The following GALC variants were observed in gnomAD, a reference collection of about 807,000 sequenced individuals.
GALC encodes galactosylceramidase.
GALC carries 77 observed loss-of-function variants against 91.8 expected under a neutral mutation model. The observed-to-expected ratio is 0.84, with a 90% CI of 0.70 to 1.01. The LOEUF (loss-of-function observed/expected upper bound fraction) is 1.01, where lower values mean the gene tolerates loss of function less well. Among genes scored for constraint, GALC ranks in the 50% least tolerant of loss-of-function variants. GALC has a pLI of 0.00. For missense variants in GALC, 882 were observed against 855.9 expected, an observed-to-expected ratio of 1.03 and a Z score of -0.38; for synonymous variants, 357 against 306.7, an observed-to-expected ratio of 1.16 and a Z score of -1.71.
chr14:87,968,252 G>T, intron 8 of GALC, 83 bp downstream of exon 8: 2 of 1,161,780 alleles, frequency 1.7e-6, no homozygotes, highest in Non-Finnish European at 2.5e-6. Flanking sequence ...TAGGCTGGAA[G>T]AATAAGGAAT....
intron 3 of GALC, chr14:87,986,994 G>T (rs1887002482): frequency 2.2e-6 from 1 of 448,856 alleles, no homozygotes. Context: ...TTCAACGCTG[G>T]ATATGAATCC....
Position 87,989,818 on chromosome 14 carries a change from C to T in GALC, c.196-1295G>A, listed in dbSNP as rs115456150. Among the ~76,000 whole-genome samples, 129 of 152,256 alleles carry T rather than the reference C, an allele frequency of 8.5e-4. 1 individual carries two copies. The highest frequency in any genetic ancestry group is 2.9e-3 in the African/African-American group (120 of 41,548). Reference sequence around the variant, plus strand: ...CTCTTCCATGTAAACATGCTAAGACCGTCCCTTTCCCAAAAGCTTTCAGGA... The same window carrying T: ...CTCTTCCATGTAAACATGCTAAGACTGTCCCTTTCCCAAAAGCTTTCAGGA... On this transcript the variant is annotated intron_variant, in intron 1 of 16. Transcript: ENST00000261304.
chr14:87,962,738 T>G (rs1027547871), intron 10 of GALC, among the ~76,000 whole-genome samples: 1 of 152,088 alleles, frequency 6.6e-6, no homozygotes, highest in Non-Finnish European at 1.5e-5. Flanking sequence ...CTTCCTATTC[T>G]GTCTACCTCC....
At position 87,936,912 on chromosome 14, in the gene GALC, ATTTATT is replaced by A. The variant is rs201851762; in HGVS notation, c.1912-2040_1912-2035del. On this transcript the variant is annotated intron_variant, in intron 16 of 16. Coordinates refer to ENST00000261304, the MANE Select transcript of GALC (RefSeq NM_000153.4). Reference sequence around the variant, plus strand: ...TATCAGGTACTATATATATATATATATTTATTTATTTTCTCATTGAATCTTCATAAG... The same window carrying A: ...TATCAGGTACTATATATATATATATATATTTTCTCATTGAATCTTCATAAG... 1.8e-3 allele frequency among the ~76,000 whole-genome samples: 248 copies of A among 139,864 alleles called. 28 individuals carry two copies. The East Asian group carries it at 0.025, about 14-fold the overall frequency. The allele number at this position is 139,864 out of a possible 152,430, so 91.8% of individuals were successfully genotyped here. A position where few individuals can be genotyped will look rare whatever the true frequency, so the allele number is the denominator to read the frequency against.
At chr14:87,974,226 C>T (rs532913949) in intron 7 of GALC, among the ~76,000 whole-genome samples, 4 of 151,452 alleles carry the variant, frequency 2.6e-5, no homozygotes, top group East Asian at 1.9e-4. Context: ...TAAAAGAAAA[C>T]GGCCTTGAAA....
chr14:87,954,944 C>A (rs1025577385), intron 10 of GALC: 13 of 1,499,776 alleles, frequency 8.7e-6, no homozygotes, highest in African/African-American at 1.4e-5. Context: ...CGTGTAGACT[C>A]AAAGCTGATA....
At position 87,934,532 on chromosome 14, in the gene GALC, A is replaced by G. The variant is rs1595183277; in HGVS notation, c.*200T>C. The G allele has an allele frequency of 1.4e-5, 20 of 1,445,488 alleles. No individual in the cohort carries two copies. In the East Asian group the frequency reaches 5.1e-4, roughly 37 times the overall value. 89.5% of individuals were successfully genotyped at this position (1,445,488 alleles called of 1,614,324 possible). Reference sequence around the variant, plus strand: ...ACACACCAGGTAATGTTAAAGATTCACCAGTTTTCCCCTTGGAATTAATTC... The same window carrying G: ...ACACACCAGGTAATGTTAAAGATTCGCCAGTTTTCCCCTTGGAATTAATTC... On this transcript the variant is annotated 3_prime_UTR_variant, in exon 17 of 17. Transcript: ENST00000261304.
At chr14:87,990,309 A>T (rs1189098639) in intron 1 of GALC, among the ~76,000 whole-genome samples, 1 of 152,228 alleles carries the variant, frequency 6.6e-6, no homozygotes, top group African/African-American at 2.4e-5. Context: ...CTTTGAGTCA[A>T]ATGGAGTTTG....
chr14:87,979,248 A>C (rs1886640906), intron 6 of GALC, among the ~76,000 whole-genome samples: 1 of 151,976 alleles, frequency 6.6e-6, no homozygotes. Context: ...GCTGGTCTCA[A>C]ACTCCTGACC....
At position 87,947,821 on chromosome 14, in the gene GALC, G is replaced by T. The variant is rs534171316; in HGVS notation, c.1396C>A (p.Leu466Ile). 5 of 1,612,790 alleles carry T rather than the reference G, an allele frequency of 3.1e-6. No homozygotes were observed. In the African/African-American group the frequency reaches 6.7e-5, roughly 22 times the overall value. Residue 466 changes from leucine to isoleucine, a missense_variant, in exon 13 of 17, where the codon CTC (leucine) becomes ATC (isoleucine). Coordinates refer to ENST00000261304, the MANE Select transcript of GALC (RefSeq NM_000153.4). The part of the protein sequence containing the change: ...LSLHEDELFT[L>I]TTLTTGRKGS... ...TTGCGACCAGTGGTGAGAGTGGTGAGTGTGAACAGCTCATCTTCATGCAGG... is the reference window on the plus strand; with the variant it reads ...TTGCGACCAGTGGTGAGAGTGGTGATTGTGAACAGCTCATCTTCATGCAGG...
intron 6 of GALC, chr14:87,976,711 C>A (rs1245624122): frequency 2.3e-5 from 10 of 442,294 alleles, no homozygotes; most frequent in Non-Finnish European, 3.8e-5. Flanking sequence ...GCCTCCAGGG[C>A]TCAAATGATT....
At chr14:87,938,944 A>AGAC (rs1311506008) in intron 16 of GALC, among the ~76,000 whole-genome samples, 35 of 152,056 alleles carry the variant, frequency 2.3e-4, no homozygotes, top group African/African-American at 8.4e-4. Flanking sequence ...TGCCAGAAAA[A>AGAC]GACAACATGA....
Position 87,988,448 on chromosome 14 carries a change from T to G in GALC, c.264+7A>C. 6.4e-7 allele frequency: 1 copy of G among 1,559,228 alleles called. No homozygotes were observed. Among genetic ancestry groups the G allele is most frequent in the Non-Finnish European group, 8.8e-7 (1 of 1,130,266 alleles). On this transcript the variant is annotated splice_region_variant and intron_variant, in intron 2 of 16. Transcript: ENST00000261304. ...CAGGTACCATGAAATAATTATGTTT[T>G]CATTACCTTAAAGAGATAATCCAAT...
chr14:87,980,580 G>A (rs1886697387), intron 6 of GALC: 1 of 757,414 alleles, frequency 1.3e-6, no homozygotes, highest in African/African-American at 1.9e-5. Flanking sequence ...ATCCGTTCTT[G>A]AAGATTCAAA....
intron 6 of GALC, among the ~76,000 whole-genome samples, chr14:87,978,115 T>C (rs112386628): frequency 0.11 from 17,210 of 152,274 alleles, 1,146 homozygotes; most frequent in Non-Finnish European, 0.16. Context: ...TGTAATGGCA[T>C]GATATCGGCT....
At chr14:87,963,793 T>TC (rs542206859) in intron 9 of GALC, among the ~76,000 whole-genome samples, 18 of 150,986 alleles carry the variant, frequency 1.2e-4, no homozygotes, top group South Asian at 1.1e-3. Flanking sequence ...AAATAGTTAT[T>TC]CCCCCCCCAA....
intron 16 of GALC, among the ~76,000 whole-genome samples, chr14:87,937,637 T>G (rs1295633763): frequency 6.6e-6 from 1 of 151,760 alleles, no homozygotes; most frequent in Non-Finnish European, 1.5e-5. Context: ...AGAGTGGCTG[T>G]ATCAGAAGTA....
intron 14 of GALC, among the ~76,000 whole-genome samples, chr14:87,943,371 T>A (rs1884935263): frequency 6.6e-6 from 1 of 152,020 alleles, no homozygotes; most frequent in Admixed American, 6.6e-5. Context: ...AATGACTAAA[T>A]CTAGGTATAA....
At chr14:87,936,443 T>C (rs1370304695) in intron 16 of GALC, among the ~76,000 whole-genome samples, 10 of 152,022 alleles carry the variant, frequency 6.6e-5, no homozygotes, top group South Asian at 6.2e-4. Flanking sequence ...TTATTGTCTA[T>C]TGTCTATGGC....
Sources: allele counts gnomAD v4.1 joint callset (sites outside exome capture counted in the v4.1 genomes callset), GRCh38; gene constraint gnomAD v4.1.1; transcripts MANE v1.5; gene names NCBI Gene and HGNC (gene_info 2026-07-23, HGNC 2026-07-21).